TRMT10A: variants seen among roughly 807,000 people sequenced by gnomAD.
The protein encoded by TRMT10A is tRNA methyltransferase 10 homolog A.
TRMT10A carries 37 observed loss-of-function variants against 40.4 expected under a neutral mutation model. The ratio of observed to expected loss-of-function variants is 0.92; its 90% CI spans 0.71 to 1.21. The LOEUF is 1.21. Among genes scored for constraint, TRMT10A ranks in the 50% most tolerant of loss-of-function variants. The probability of loss-of-function intolerance (pLI) is 0.00; values close to 1 mark genes in which losing one functional copy is unlikely to be tolerated. For missense variants in TRMT10A, 388 were observed against 404.3 expected, an observed-to-expected ratio of 0.96 and a Z score of 0.35; for synonymous variants, 103 against 134.1, an observed-to-expected ratio of 0.77 and a Z score of 1.60.
rs1425419616 is a variant in TRMT10A at position 99,549,099 on chromosome 4, G to A, written c.1009C>T (p.Leu337=). ...ENHTESTVNS[L]PH ...GAAACCAGGTAACATTAGTGTGGCA[G>A]AGAGTTCACTGTAGATTCAGTGTGA... Residue 337 remains leucine (L), a synonymous_variant, in exon 8 of 8, where the codon CTG becomes TTG. Coordinates refer to ENST00000394876, the MANE Select transcript of TRMT10A (RefSeq NM_001134665.3). 6.2e-7 allele frequency: 1 copy of A among 1,613,808 alleles called. No individual in the cohort carries two copies. Among genetic ancestry groups the A allele is most frequent in the South Asian group, 1.1e-5 (1 of 91,060 alleles).
At chr4:99,551,456 C>T (rs1353489783) in intron 6 of TRMT10A, among the ~76,000 whole-genome samples, 1 of 152,136 alleles carries the variant, frequency 6.6e-6, no homozygotes, top group Non-Finnish European at 1.5e-5. Flanking sequence ...ATTCCTGTCA[C>T]CTAGTGACTT....
intron 6 of TRMT10A, among the ~76,000 whole-genome samples, chr4:99,551,610 T>C (rs558087500): frequency 3.9e-5 from 6 of 152,238 alleles, no homozygotes; most frequent in Admixed American, 3.3e-4. Context: ...ATAATAAATG[T>C]TACCTGTTAT....
At chr4:99,562,514 C>CCTT (rs1491122548) in intron 1 of TRMT10A, among the ~76,000 whole-genome samples, 19 of 108,552 alleles carry the variant, frequency 1.8e-4, no homozygotes, top group African/African-American at 5.4e-4. Flanking sequence ...CAAAGGAATG[C>CCTT]CTTTTTTTTT....
At chr4:99,557,582 G>T (rs1724213842) in intron 3 of TRMT10A, 166 bp from the exon 4 acceptor site, 6 of 562,234 alleles carry the variant, frequency 1.1e-5, no homozygotes, top group African/African-American at 1.9e-5. Flanking sequence ...TTACATACTA[G>T]CAAAATTACT....
intron 7 of TRMT10A, among the ~76,000 whole-genome samples, chr4:99,550,188 T>C (rs1422464213): frequency 6.6e-6 from 1 of 152,182 alleles, no homozygotes; most frequent in Admixed American, 6.5e-5. Flanking sequence ...TTAACAACCA[T>C]TTTTTAAATT....
At chr4:99,553,310 TAAAG>T (rs1361955634) in intron 6 of TRMT10A, among the ~76,000 whole-genome samples, 1 of 152,094 alleles carries the variant, frequency 6.6e-6, no homozygotes, top group East Asian at 1.9e-4. Context: ...TTCATCCAAA[TAAAG>T]GTATGGATGG....
At chr4:99,560,259 G>C (rs1190275529) in intron 1 of TRMT10A, among the ~76,000 whole-genome samples, 1 of 151,990 alleles carries the variant, frequency 6.6e-6, no homozygotes, top group Non-Finnish European at 1.5e-5. Context: ...ATAAGAACAA[G>C]ACAGAAAGTT....
chr4:99,554,722 CA>C (rs532448105), intron 5 of TRMT10A, among the ~76,000 whole-genome samples: 52 of 90,870 alleles, frequency 5.7e-4, no homozygotes, highest in South Asian at 8.0e-4. Flanking sequence ...GACTACGTTT[CA>C]AAAAAAAAAA....
chr4:99,551,082 T>G (rs1371514662), intron 6 of TRMT10A, 92 bp from the exon 7 acceptor site: 26 of 513,940 alleles, frequency 5.1e-5, no homozygotes. Flanking sequence ...GATTTATAGT[T>G]CAGAGAATTT....
intron 5 of TRMT10A, among the ~76,000 whole-genome samples, chr4:99,555,159 C>G (rs1724117191): frequency 6.6e-6 from 1 of 152,124 alleles, no homozygotes; most frequent in African/African-American, 2.4e-5. Flanking sequence ...AAACATGCCT[C>G]TTTTAATTTA....
Position 99,558,064 on chromosome 4 carries a change from G to C in TRMT10A, c.333C>G (p.His111Gln). The C allele has an allele frequency of 6.3e-7, 1 of 1,592,632 alleles. No homozygotes were observed. Among genetic ancestry groups the C allele is most frequent in the Non-Finnish European group, 8.5e-7 (1 of 1,173,660 alleles). Residue 111 changes from histidine to glutamine, a missense_variant, in exon 3 of 8, where the codon CAC becomes CAG. His to Gln is a conservative substitution (Grantham distance 24, BLOSUM62 0). Coordinates refer to ENST00000394876, the MANE Select transcript of TRMT10A (RefSeq NM_001134665.3). ...TTCATGATACCTTTAATACCATCAA[G>C]TGATCAAAACTACAGTCAATAATAA... ...LRLIIDCSFD[H>Q]LMVLKDIKKL... is the part of the protein sequence containing the mutation.
chr4:99,558,137 T>C lies in TRMT10A; in HGVS notation c.260A>G (p.His87Arg), dbSNP rs141024447. Reference protein sequence around the residue: ...QCQMEPNSDGHDRKRVRRDVV... With the variant: ...QCQMEPNSDGRDRKRVRRDVV... ...ATCTCTTCGAACACGTTTTCTGTCA[T>C]GTCCATCTGAGTTTGGTTCCATTTG... The change falls in exon 3 of 8, where the codon CAT becomes CGT. Residue 87 changes from histidine to arginine, a missense_variant. Coordinates refer to ENST00000394876, the MANE Select transcript of TRMT10A (RefSeq NM_001134665.3). 23 of 1,612,522 alleles carry C rather than the reference T, an allele frequency of 1.4e-5. No homozygotes were observed. The highest frequency in any genetic ancestry group is 1.7e-4 in the Middle Eastern group (1 of 6,054).
chr4:99,555,385 TA>T (rs1560600770), intron 5 of TRMT10A, among the ~76,000 whole-genome samples: 1 of 152,176 alleles, frequency 6.6e-6, no homozygotes, highest in Non-Finnish European at 1.5e-5. Flanking sequence ...AGTACTTCCC[TA>T]AATAGGATCA....
chr4:99,563,986 G>T lies in TRMT10A; in HGVS notation c.-97C>A, dbSNP rs971108528. On this transcript the variant is annotated 5_prime_UTR_variant, in exon 1 of 8. Coordinates refer to ENST00000394876, the MANE Select transcript of TRMT10A (RefSeq NM_001134665.3). ...CTGGGTTGGCCTGGTTACGGCTCAC[G>T]CTTCCTTCCACAGAAACTTCAATTC... 1.4e-6 allele frequency: 2 copies of T among 1,386,390 alleles called. No individual in the cohort carries two copies. The highest frequency in any genetic ancestry group is 2.9e-5 in the African/African-American group (2 of 69,708). 85.9% of individuals were successfully genotyped at this position (1,386,390 alleles called of 1,614,324 possible).
At chr4:99,552,891 G>C (rs564450730) in intron 6 of TRMT10A, among the ~76,000 whole-genome samples, 17 of 151,976 alleles carry the variant, frequency 1.1e-4, no homozygotes, top group East Asian at 5.8e-4. Context: ...TACTTGGTGG[G>C]GGGGGGAGGC....
chr4:99,550,660 C>A (rs868778929), intron 7 of TRMT10A, among the ~76,000 whole-genome samples: 26 of 151,956 alleles, frequency 1.7e-4, no homozygotes, highest in African/African-American at 5.8e-4. Flanking sequence ...AAGTTAACAC[C>A]AAGTATTTCT....
At chr4:99,554,127 T>C (rs575193588) in intron 5 of TRMT10A, among the ~76,000 whole-genome samples, 193 bp from the exon 6 acceptor site, 164 of 152,316 alleles carry the variant, frequency 1.1e-3, no homozygotes, top group African/African-American at 3.8e-3. Context: ...ATCATTTAAA[T>C]AGCCTCTTAA....
chr4:99,552,547 G>A (rs10008896), intron 6 of TRMT10A, among the ~76,000 whole-genome samples: 39,726 of 151,818 alleles, frequency 0.26, 5,350 homozygotes, highest in South Asian at 0.35. Context: ...TTCTTAGAAT[G>A]TATCCCCATC....
rs960045789 is a variant in TRMT10A at position 99,553,943 on chromosome 4, C to A, written c.496-9G>T. The stretch of plus-strand genomic sequence containing the variant: ...GGTTTGATATGGATATCCTTTAAGA[C>A]AACAGGGAAAGAGGTTACTAATTAA... On this transcript the variant is annotated splice_polypyrimidine_tract_variant and intron_variant, in intron 5 of 7. Transcript: ENST00000394876. 1.9e-6 allele frequency: 3 copies of A among 1,609,374 alleles called. No homozygotes were observed. Among genetic ancestry groups the A allele is most frequent in the South Asian group, 2.2e-5 (2 of 89,918 alleles).
Sources: allele counts gnomAD v4.1 joint callset (sites outside exome capture counted in the v4.1 genomes callset), GRCh38; gene constraint gnomAD v4.1.1; transcripts MANE v1.5; gene names NCBI Gene and HGNC (gene_info 2026-07-23, HGNC 2026-07-21).